The following CNTNAP5 variants were observed in gnomAD, a reference collection of about 807,000 sequenced individuals.
CNTNAP5 encodes contactin-associated protein-like 5.
A neutral mutation model predicts 150.2 loss-of-function variants in CNTNAP5; 72 were observed. The observed-to-expected ratio is 0.48, with a 90% CI of 0.40 to 0.58. The LOEUF is 0.58. CNTNAP5 is among the 20% of genes least tolerant of loss of function. CNTNAP5 has a pLI of 0.00. For missense variants in CNTNAP5, 1,636 were observed against 1,626.2 expected, an observed-to-expected ratio of 1.01 and a Z score of -0.10; for synonymous variants, 672 against 619.8, an observed-to-expected ratio of 1.08 and a Z score of -1.25.
chr2:124,705,229 AT>A (rs1423907569), intron 13 of CNTNAP5, among the ~76,000 whole-genome samples: 22 of 152,086 alleles, frequency 1.4e-4, no homozygotes, highest in Non-Finnish European at 2.9e-5. Flanking sequence ...CATTTGCTGT[AT>A]TTAAATCCAA....
intron 8 of CNTNAP5, among the ~76,000 whole-genome samples, chr2:124,520,524 C>G (rs1196447249): frequency 6.6e-6 from 1 of 152,132 alleles, no homozygotes; most frequent in Non-Finnish European, 1.5e-5. Context: ...TGAGATTGAG[C>G]ATAATCAGTT....
intron 1 of CNTNAP5, among the ~76,000 whole-genome samples, chr2:124,196,289 A>G (rs968355614): frequency 2.0e-5 from 3 of 152,140 alleles, no homozygotes; most frequent in Non-Finnish European, 4.4e-5. Context: ...TGGATTTTCA[A>G]TCCACATCCT....
intron 1 of CNTNAP5, among the ~76,000 whole-genome samples, chr2:124,161,933 A>G (rs188791017): frequency 1.3e-5 from 2 of 152,330 alleles, no homozygotes; most frequent in East Asian, 3.9e-4. Context: ...GACATATTTA[A>G]TCATATCAAG....
chr2:124,659,399 G>A (rs1421132439), intron 13 of CNTNAP5, among the ~76,000 whole-genome samples: 1 of 152,074 alleles, frequency 6.6e-6, no homozygotes, highest in African/African-American at 2.4e-5. Flanking sequence ...ATCTTGGAAA[G>A]AGACAGTGGA....
At chr2:124,297,083 T>G (rs546294072) in intron 3 of CNTNAP5, among the ~76,000 whole-genome samples, 99 of 152,338 alleles carry the variant, frequency 6.5e-4, no homozygotes, top group Admixed American at 3.3e-3. Context: ...AAATGGAAAT[T>G]AGGGGATATG....
chr2:124,869,454 A>G (rs1388424123), intron 20 of CNTNAP5, among the ~76,000 whole-genome samples: 1 of 152,112 alleles, frequency 6.6e-6, no homozygotes, highest in Non-Finnish European at 1.5e-5. Context: ...CAGGGAGAAG[A>G]CTTGTGTGAA....
chr2:124,523,396 A>G (rs1694893602), intron 8 of CNTNAP5, among the ~76,000 whole-genome samples: 2 of 152,204 alleles, frequency 1.3e-5, no homozygotes, highest in Admixed American at 6.5e-5. Context: ...GTGACCAATC[A>G]GTTAATATGA....
chr2:124,224,663 T>C (rs979962243), intron 2 of CNTNAP5, among the ~76,000 whole-genome samples: 27 of 152,056 alleles, frequency 1.8e-4, no homozygotes, highest in African/African-American at 6.3e-4. Context: ...TAGTAACATA[T>C]ACATGCATAT....
intron 19 of CNTNAP5, among the ~76,000 whole-genome samples, chr2:124,846,738 T>C (rs991501136): frequency 6.6e-6 from 1 of 152,178 alleles, no homozygotes; most frequent in African/African-American, 2.4e-5. Context: ...AGGGCTAGTG[T>C]TAAGATTTTT....
At chr2:124,075,959 G>T (rs1816698) in intron 1 of CNTNAP5, among the ~76,000 whole-genome samples, 37,189 of 152,072 alleles carry the variant, frequency 0.24, 4,868 homozygotes, top group Middle Eastern at 0.32. Flanking sequence ...AGTAAAACTT[G>T]TGCATCTCAG....
intron 6 of CNTNAP5, among the ~76,000 whole-genome samples, chr2:124,456,518 A>C (rs1213431938): frequency 6.6e-6 from 1 of 151,988 alleles, no homozygotes; most frequent in Non-Finnish European, 1.5e-5. Context: ...AATTCAATAC[A>C]CTCCTCATCA....
At chr2:124,031,088 C>G (rs1484493272) in intron 1 of CNTNAP5, among the ~76,000 whole-genome samples, 1 of 25,820 alleles carries the variant, frequency 3.9e-5, no homozygotes, top group African/African-American at 1.5e-4. Flanking sequence ...CCTGCTTGGT[C>G]TAGAATACCC....
intron 1 of CNTNAP5, among the ~76,000 whole-genome samples, chr2:124,185,848 T>C (rs909125882): frequency 6.6e-6 from 1 of 152,182 alleles, no homozygotes; most frequent in Non-Finnish European, 1.5e-5. Flanking sequence ...CAGGTCCCTC[T>C]GCATATCAGA....
At chr2:124,100,779 C>T (rs1683045351) in intron 1 of CNTNAP5, among the ~76,000 whole-genome samples, 1 of 146,764 alleles carries the variant, frequency 6.8e-6, no homozygotes, top group Admixed American at 6.9e-5. Flanking sequence ...GCACTAGAAT[C>T]ATTTGAACCT....
intron 1 of CNTNAP5, among the ~76,000 whole-genome samples, chr2:124,079,998 C>T (rs77317572): frequency 0.048 from 7,276 of 152,204 alleles, 579 homozygotes; most frequent in African/African-American, 0.16. Context: ...ATTAGGATTA[C>T]TCAGTCATTG....
At chr2:124,217,101 G>C (rs1274625245) in intron 1 of CNTNAP5, among the ~76,000 whole-genome samples, 1 of 152,064 alleles carries the variant, frequency 6.6e-6, no homozygotes, top group African/African-American at 2.4e-5. Context: ...GAAAATACTA[G>C]GCCAATGCAT....
intron 13 of CNTNAP5, among the ~76,000 whole-genome samples, chr2:124,743,810 T>C (rs1680551004): frequency 1.3e-5 from 2 of 152,182 alleles, no homozygotes; most frequent in South Asian, 2.1e-4. Context: ...AACCTTCCTA[T>C]TGGAACATTT....
intron 13 of CNTNAP5, among the ~76,000 whole-genome samples, chr2:124,723,698 C>T (rs754558416): frequency 6.6e-6 from 1 of 152,164 alleles, no homozygotes; most frequent in Non-Finnish European, 1.5e-5. Context: ...TCAATTTTGA[C>T]TTGCAGATGG....
At chr2:124,093,146 C>T (rs993698506) in intron 1 of CNTNAP5, among the ~76,000 whole-genome samples, 1 of 152,216 alleles carries the variant, frequency 6.6e-6, no homozygotes, top group African/African-American at 2.4e-5. Context: ...TAGTACATAT[C>T]AGGCTGCACT....
Sources: gnomAD v4.1 joint callset for allele counts (sites outside exome capture counted in the v4.1 genomes callset) on GRCh38, gnomAD v4.1.1 for gene constraint, MANE v1.5 for transcripts, NCBI Gene and HGNC (gene_info 2026-07-23, HGNC 2026-07-21) for gene names.